The following INSRR variants were observed in gnomAD, a reference collection of about 807,000 sequenced individuals.
The protein encoded by INSRR is insulin receptor related receptor.
Under a neutral mutation model 130.0 loss-of-function variants are expected in INSRR, and 114 were observed. The observed-to-expected ratio is 0.88, with a 90% CI of 0.75 to 1.02. INSRR has a LOEUF of 1.02. INSRR is among the 50% of genes least tolerant of loss of function. The pLI is 0.00. For missense variants in INSRR, 1,657 were observed against 1,735.2 expected (o/e 0.95, Z 0.80); for synonymous variants, 674 against 705.2 (o/e 0.96, Z 0.70).
chr1:156,841,635 C>T, intron 20 of INSRR, 30 bp downstream of exon 20: 3 of 1,611,912 alleles, frequency 1.9e-6, no homozygotes, highest in Non-Finnish European at 2.5e-6. Context: ...CTCCACATCC[C>T]TGGAGCCCTG....
chr1:156,845,401 C>A lies in INSRR; in HGVS notation c.2187G>T (p.Lys729Asn). Residue 729 changes from lysine to asparagine, a missense_variant, in exon 11 of 22, where the codon AAG becomes AAT. By Grantham distance (94) the Lys-to-Asn change is moderately conservative. Coordinates refer to ENST00000368195, the MANE Select transcript of INSRR (RefSeq NM_014215.3). The stretch of plus-strand genomic sequence containing the variant: ...GGGGGCTCTTGTTGATGGACGTCAC[C>A]TTCCAAGGGGATCTGGGGAGGCCAG... ...NAITIPISPW[K>N]VTSINKSPQR... 4 of 1,561,336 alleles carry A rather than the reference C, an allele frequency of 2.6e-6. No homozygotes were observed. Among genetic ancestry groups the A allele is most frequent in the Non-Finnish European group, 8.7e-7 (1 of 1,151,912 alleles).
At chr1:156,855,460 C>T (rs1430802300) in intron 1 of INSRR, among the ~76,000 whole-genome samples, 1 of 152,178 alleles carries the variant, frequency 6.6e-6, no homozygotes, top group Non-Finnish European at 1.5e-5. Flanking sequence ...CCACCTTGGC[C>T]TCCCAAAGTG....
Position 156,842,118 on chromosome 1 carries a change from T to A in INSRR, c.3391A>T (p.Ile1131Phe), listed in dbSNP as rs1654816840. ...CMVSQDFTVK[I>F]GDFGMTRDVY... ...TGCCTGGCACCCTCTGTACCCCCGA[T>A]CTTGACGGTGAAGTCCTGGGACACC... Residue 1131 changes from isoleucine (I) to phenylalanine (F), a missense_variant, in exon 19 of 22, where the codon ATC becomes TTC. By Grantham distance (21) the Ile-to-Phe change is conservative. Coordinates refer to ENST00000368195, the MANE Select transcript of INSRR (RefSeq NM_014215.3). The A allele has an allele frequency of 1.2e-6, 2 of 1,613,774 alleles. No homozygotes were observed. Among genetic ancestry groups the A allele is most frequent in the African/African-American group, 1.3e-5 (1 of 74,838 alleles).
At chr1:156,850,911 A>C (rs532636325) in intron 5 of INSRR, among the ~76,000 whole-genome samples, 8 of 152,212 alleles carry the variant, frequency 5.3e-5, no homozygotes, top group Non-Finnish European at 1.5e-5. Flanking sequence ...CTTGACTGGC[A>C]GATGATAGGA....
chr1:156,849,093 T>C, intron 6 of INSRR, 46 bp from the exon 7 acceptor site: 1 of 1,602,648 alleles, frequency 6.2e-7, no homozygotes, highest in Non-Finnish European at 8.5e-7. Flanking sequence ...TGCCAGCTGC[T>C]TGAGCGCCCA....
chr1:156,850,534 C>CTTTTTTTT (rs35237064), intron 5 of INSRR, among the ~76,000 whole-genome samples: 30 of 58,638 alleles, frequency 5.1e-4, no homozygotes, highest in East Asian at 1.1e-3. Flanking sequence ...TTAAAACATT[C>CTTTTTTTT]TTTTTTTTTT....
In INSRR at chr1:156,846,697, G is replaced by A. The variant is rs773925911; in HGVS notation, c.1632C>T (p.Asn544=). The A allele has an allele frequency of 1.9e-6, 3 of 1,614,154 alleles. No homozygotes were observed. The highest frequency in any genetic ancestry group is 2.5e-6 in the Non-Finnish European group (3 of 1,180,054). The change falls in exon 8 of 22, where the codon AAC becomes AAT. Residue 544 remains asparagine, a synonymous_variant. Transcript: ENST00000368195. ...TTAGGGGCAGCTCCACATCCAGCAG[G>A]TTCCAGCTCTGGGTTCCACAAGCAT... is the stretch of plus-strand genomic sequence containing the variant. The part of the protein sequence containing the change: ...GPDACGTQSW[N]LLDVELPLSR...
At chr1:156,851,186 T>G in intron 5 of INSRR, 104 bp downstream of exon 5, 8 of 1,312,396 alleles carry the variant, frequency 6.1e-6, no homozygotes, top group Non-Finnish European at 8.8e-6. Context: ...ACACGCCTAG[T>G]GAGTAGCAAA....
At position 156,849,480 on chromosome 1, in the gene INSRR, CT is replaced by C; in HGVS notation, c.1230-21del. The C allele has an allele frequency of 6.6e-6, 4 of 607,146 alleles. No homozygotes were observed. The highest frequency in any genetic ancestry group is 1.0e-5 in the Non-Finnish European group (4 of 395,384). The allele number at this position is 607,146 out of a possible 1,614,324, so 37.6% of individuals were successfully genotyped here. On this transcript the variant is annotated intron_variant, in intron 5 of 21. Transcript: ENST00000368195. ...TAGTTCCTGGGGGAGGCCAGGGGAC[CT>C]TGCTCTGCGGGGAGGTGGGGGCAGG... is the stretch of plus-strand genomic sequence containing the variant.
chr1:156,849,087 A>G (rs773255345), intron 6 of INSRR, 40 bp from the exon 7 acceptor site: 54 of 1,603,110 alleles, frequency 3.4e-5, no homozygotes, highest in Non-Finnish European at 4.2e-5. Context: ...CGCGCCTGCC[A>G]GCTGCTTGAG....
Position 156,849,033 on chromosome 1 carries a change from G to T in INSRR, c.1459C>A (p.Leu487Met). The change falls in exon 7 of 22, where the codon CTG (leucine) becomes ATG (methionine). Residue 487 changes from leucine to methionine, a missense_variant. Leu to Met is a conservative substitution (Grantham distance 15, BLOSUM62 2). Transcript: ENST00000368195. Reference sequence around the variant, plus strand: ...TCCGTCACGTTGGACACGAAGCGCAGGGTGCGAGTCTGGCCTGGGTGGGGC... The same window carrying T: ...TCCGTCACGTTGGACACGAAGCGCATGGTGCGAGTCTGGCCTGGGTGGGGC... ...GDRAACQTRTLRFVSNVTEAD... is the reference protein window; with the variant it reads ...GDRAACQTRTMRFVSNVTEAD... The T allele has an allele frequency of 1.2e-6, 2 of 1,613,396 alleles. No homozygotes were observed. The highest frequency in any genetic ancestry group is 1.7e-6 in the Non-Finnish European group (2 of 1,179,884).
At position 156,854,629 on chromosome 1, in the gene INSRR, A is replaced by C. The variant is rs377417189; in HGVS notation, c.86-326T>G. Reference sequence around the variant, plus strand: ...CGACTCCCAGCGACTTCATTCTTGCAGTCACCCTTAACACCTTTCTTTTTC... The same window carrying C: ...CGACTCCCAGCGACTTCATTCTTGCCGTCACCCTTAACACCTTTCTTTTTC... On this transcript the variant is annotated intron_variant, in intron 1 of 21. Coordinates refer to ENST00000368195, the MANE Select transcript of INSRR (RefSeq NM_014215.3). This position sits in a 1 kb window ranked among gnomAD's most constrained non-coding sequence, Gnocchi z 4.2. Among the ~76,000 whole-genome samples the C allele has an allele frequency of 4.6e-5, 7 of 152,310 alleles. No homozygotes were observed. In the East Asian group the frequency reaches 1.3e-3, roughly 29 times the overall value.
Position 156,846,602 on chromosome 1 carries a change from C to T in INSRR, c.1727G>A (p.Arg576Gln), listed in dbSNP as rs370037743. 2.7e-5 allele frequency: 44 copies of T among 1,614,070 alleles called. No homozygotes were observed. The highest frequency in any genetic ancestry group is 8.8e-5 in the South Asian group (8 of 91,082). Residue 576 changes from arginine to glutamine, a missense_variant, in exon 8 of 22, where the codon CGG becomes CAG. Coordinates refer to ENST00000368195, the MANE Select transcript of INSRR (RefSeq NM_014215.3). Reference sequence around the variant, plus strand: ...CTCCTCAGTGGTTAGCGTGATGGCCCGCACAAACACTGCGTACTGTGTCCA... The same window carrying T: ...CTCCTCAGTGGTTAGCGTGATGGCCTGCACAAACACTGCGTACTGTGTCCA... The part of the protein sequence containing the change: ...KPWTQYAVFV[R>Q]AITLTTEEDS...
chr1:156,852,754 G>A (rs1218882524), intron 2 of INSRR, among the ~76,000 whole-genome samples: 1 of 152,220 alleles, frequency 6.6e-6, no homozygotes, highest in East Asian at 1.9e-4. Flanking sequence ...GCTGGCTATG[G>A]GAGCGATCTG....
intron 5 of INSRR, among the ~76,000 whole-genome samples, chr1:156,849,898 T>C (rs989958808): frequency 1.3e-5 from 2 of 151,442 alleles, no homozygotes; most frequent in Non-Finnish European, 2.9e-5. Flanking sequence ...GCCACTAGAC[T>C]AGATGACTAG....
rs963891911 is a variant in INSRR, at chr1:156,853,865, T to C, written c.524A>G (p.Glu175Gly). The C allele has an allele frequency of 2.5e-6, 4 of 1,613,954 alleles. No homozygotes were observed. In the Admixed American group the frequency reaches 5.0e-5, roughly 20 times the overall value. Residue 175 changes from glutamate (E) to glycine (G), a missense_variant, in exon 2 of 22, where the codon GAG (glutamate) becomes GGG (glycine). By Grantham distance (98) the Glu-to-Gly change is moderately conservative. Coordinates refer to ENST00000368195, the MANE Select transcript of INSRR (RefSeq NM_014215.3). The stretch of plus-strand genomic sequence containing the variant: ...CACACCAGGGCACACGTCAGCACAC[T>C]CCTCGCCCAGCTTGTTGCCCACGAT... ...NHIVGNKLGEECADVCPGVLG... is the reference protein window; with the variant it reads ...NHIVGNKLGEGCADVCPGVLG...
chr1:156,845,335 AG>A (rs771019162), intron 11 of INSRR, 36 bp downstream of exon 11: 41 of 1,608,620 alleles, frequency 2.5e-5, no homozygotes, highest in Non-Finnish European at 3.4e-5. Context: ...CAGCCCCCAA[AG>A]CCACGCCCCT....
chr1:156,853,354 G>A (rs1655294851), intron 2 of INSRR, among the ~76,000 whole-genome samples: 1 of 152,170 alleles, frequency 6.6e-6, no homozygotes, highest in South Asian at 2.1e-4. Context: ...TACAGCTGAG[G>A]AAACTGTGGC....
rs149424605 is a variant in INSRR at position 156,841,709 on chromosome 1, G to C, written c.3483C>G (p.Pro1161=). Residue 1161 remains proline, a synonymous_variant, in exon 20 of 22, where the codon CCC becomes CCG. Transcript: ENST00000368195. ...TGAAGATCCCATCTTTGAGGGACTC[G>C]GGGGCCATCCAGCGCACGGGCAGCA... ...KGLLPVRWMA[P]ESLKDGIFTT... is the part of the protein sequence containing the mutation. The C allele has an allele frequency of 6.2e-7, 1 of 1,614,084 alleles. No homozygotes were observed. Among genetic ancestry groups the C allele is most frequent in the Admixed American group, 1.7e-5 (1 of 60,020 alleles).
Sources: gnomAD v4.1 joint callset for allele counts (sites outside exome capture counted in the v4.1 genomes callset) on GRCh38, gnomAD v4.1.1 for gene constraint, Gnocchi (gnomAD v3.1) non-coding constraint, MANE v1.5 for transcripts, NCBI Gene and HGNC (gene_info 2026-07-23, HGNC 2026-07-21) for gene names.